Variants in DIP2B observed in about 807,000 individuals in gnomAD.
The protein encoded by DIP2B is disco-interacting protein 2 homolog B.
In DIP2B, 76 loss-of-function variants were observed where a neutral mutation model predicts 198.0. That is an observed-to-expected ratio of 0.38 (90% CI 0.32 to 0.46). DIP2B has a LOEUF of 0.46. Among genes scored for constraint, DIP2B ranks in the 20% least tolerant of loss-of-function variants. The pLI is 0.99. For synonymous variants in DIP2B, 701 were observed against 739.1 expected, an observed-to-expected ratio of 0.95 and a Z score of 0.84; for missense variants, 1,559 against 1,978.4, an observed-to-expected ratio of 0.79 and a Z score of 4.02.
At chr12:50,712,524 A>T (rs1939636030) in intron 22 of DIP2B, among the ~76,000 whole-genome samples, 1 of 151,876 alleles carries the variant, frequency 6.6e-6, no homozygotes, top group South Asian at 2.1e-4. Context: ...AAATTGCTTG[A>T]ACCCGGGAGG....
rs539465974 is a variant in DIP2B, at chr12:50,542,927, GCA to G, written c.100+37690_100+37691del. Among the ~76,000 whole-genome samples, 25 of 152,164 alleles carry G rather than the reference GCA, an allele frequency of 1.6e-4. No individual in the cohort carries two copies. In the South Asian group the frequency reaches 5.0e-3, roughly 30 times the overall value. On this transcript the variant is annotated intron_variant, in intron 1 of 37. Transcript: ENST00000301180. ...GTGTTGCCCAGGCTGGAGTGCAGTG[GCA>G]CAGTCTTGGCTCATTGCACCCTCTG...
chr12:50,718,732 G>A lies in DIP2B; in HGVS notation c.2875G>A (p.Val959Ile), dbSNP rs1592141460. The A allele has an allele frequency of 6.2e-7, 1 of 1,614,196 alleles. No individual in the cohort carries two copies. Among genetic ancestry groups the A allele is most frequent in the Non-Finnish European group, 8.5e-7 (1 of 1,180,028 alleles). ...QPGVGPASVM[V>I]GNLVAGKRIA... ...AGGTGTAGGCCCTGCTTCCGTGATG[G>A]TTGGGAATCTGGTTGCTGGAAAACG... The change falls in exon 24 of 38, where the codon GTT becomes ATT. Residue 959 changes from valine to isoleucine, a missense_variant. Coordinates refer to ENST00000301180, the MANE Select transcript of DIP2B (RefSeq NM_173602.3).
At chr12:50,598,725 T>C (rs1322541155) in intron 1 of DIP2B, among the ~76,000 whole-genome samples, 10 of 43,458 alleles carry the variant, frequency 2.3e-4, no homozygotes, top group Admixed American at 1.5e-3. Flanking sequence ...CAGATCCCCT[T>C]CCCTCCCCTC....
At chr12:50,649,961 C>T (rs948189616) in intron 3 of DIP2B, among the ~76,000 whole-genome samples, 8 of 152,192 alleles carry the variant, frequency 5.3e-5, no homozygotes, top group African/African-American at 1.9e-4. Flanking sequence ...GTAATCCCAA[C>T]ACTTTGGAAA....
intron 1 of DIP2B, among the ~76,000 whole-genome samples, chr12:50,538,751 A>G (rs1016734313): frequency 6.6e-6 from 1 of 152,156 alleles, no homozygotes; most frequent in Non-Finnish European, 1.5e-5. Context: ...TTCCACACAT[A>G]CAGTTTTTGC....
intron 4 of DIP2B, among the ~76,000 whole-genome samples, chr12:50,668,213 G>A (rs768279183): frequency 8.5e-5 from 13 of 152,096 alleles, no homozygotes; most frequent in Non-Finnish European, 1.8e-4. Flanking sequence ...TGCCTGCCTT[G>A]AACTCCTCTA....
intron 1 of DIP2B, among the ~76,000 whole-genome samples, chr12:50,557,962 C>CAG (rs1275891261): frequency 6.6e-6 from 1 of 151,606 alleles, no homozygotes; most frequent in Non-Finnish European, 1.5e-5. Flanking sequence ...GCCTATGTAA[C>CAG]AGAGAGACCC....
At chr12:50,543,924 T>TAA (rs781505789) in intron 1 of DIP2B, among the ~76,000 whole-genome samples, 56,352 of 100,988 alleles carry the variant, frequency 0.56, 16,459 homozygotes, top group South Asian at 0.69. Flanking sequence ...ACTCAGCCTT[T>TAA]AAAAAAAAAA....
chr12:50,735,032 T>C, intron 33 of DIP2B, 41 bp from the exon 34 acceptor site: 1 of 1,612,218 alleles, frequency 6.2e-7, no homozygotes, highest in South Asian at 1.1e-5. Flanking sequence ...CGACTTCTCC[T>C]CTTAAAAGCC....
chr12:50,723,397 A>G, intron 27 of DIP2B, 74 bp downstream of exon 27: 1 of 1,571,610 alleles, frequency 6.4e-7, no homozygotes, highest in Non-Finnish European at 8.6e-7. Flanking sequence ...ATCCTTACTA[A>G]TTTTCCAATT....
At chr12:50,650,231 G>T (rs1397827056) in intron 3 of DIP2B, among the ~76,000 whole-genome samples, 2 of 150,918 alleles carry the variant, frequency 1.3e-5, no homozygotes, top group Non-Finnish European at 3.0e-5. Flanking sequence ...AGTGCCAAAT[G>T]AAAACATCAC....
chr12:50,652,340 AT>A (rs1465121084), intron 3 of DIP2B, among the ~76,000 whole-genome samples: 16 of 99,950 alleles, frequency 1.6e-4, no homozygotes, highest in East Asian at 8.8e-4. Context: ...TATATAATAT[AT>A]ATAATACACA....
rs141015192 is a variant in DIP2B, at chr12:50,612,619, G to A, written c.101-13357G>A. Among the ~76,000 whole-genome samples the A allele has an allele frequency of 2.0e-5, 3 of 151,916 alleles. No homozygotes were observed. The East Asian group carries it at 5.8e-4, about 29-fold the overall frequency. ...AATTTTTGTATTTTTATTAGAGATG[G>A]GGTTTTACCATGTTGACCAGGGTTG... On this transcript the variant is annotated intron_variant, in intron 1 of 37. Transcript: ENST00000301180.
In DIP2B at chr12:50,505,093, C is replaced by A; in HGVS notation, c.-48C>A. ...TGTGGGCCCGTGTCTGTCCGTCCCT[C>A]CTTCGGCCCCCTCTCTTGTCTTCCG... On this transcript the variant is annotated 5_prime_UTR_variant, in exon 1 of 38. Coordinates refer to ENST00000301180, the MANE Select transcript of DIP2B (RefSeq NM_173602.3). 6.6e-7 allele frequency: 1 copy of A among 1,505,292 alleles called. No individual in the cohort carries two copies. The highest frequency in any genetic ancestry group is 1.2e-5 in the South Asian group (1 of 83,290). The allele number at this position is 1,505,292 out of a possible 1,614,324, so 93.2% of individuals were successfully genotyped here.
chr12:50,565,228 C>CTCAAATGA (rs944549037), intron 1 of DIP2B, among the ~76,000 whole-genome samples: 2 of 152,012 alleles, frequency 1.3e-5, no homozygotes, highest in African/African-American at 2.4e-5. Context: ...AACTCCTGGG[C>CTCAAATGA]TCAAATGATC....
At chr12:50,671,109 T>G (rs1565865560) in intron 4 of DIP2B, 77 bp from the exon 5 acceptor site, 1 of 1,402,464 alleles carries the variant, frequency 7.1e-7, no homozygotes. Flanking sequence ...AAACTGAATG[T>G]GTGATCAATG....
At chr12:50,718,492 AT>A (rs1485697085) in intron 23 of DIP2B, among the ~76,000 whole-genome samples, 1 of 151,920 alleles carries the variant, frequency 6.6e-6, no homozygotes, top group African/African-American at 2.4e-5. Flanking sequence ...ACTTTGCACT[AT>A]TTATGTTTAT....
chr12:50,739,493 C>T lies in DIP2B; in HGVS notation c.4261C>T (p.Arg1421Cys), dbSNP rs371482745. Residue 1421 changes from arginine to cysteine, a missense_variant, in exon 36 of 38, where the codon CGC (arginine) becomes TGC (cysteine). By Grantham distance (180) the Arg-to-Cys change is radical. Transcript: ENST00000301180. ...ETLQADHFNT[R>C]LSFGDAAQTL... Reference sequence around the variant, plus strand: ...TCTTCAAGCTGATCATTTCAACACTCGCCTCAGCTTTGGAGATGCAGCTCA... The same window carrying T: ...TCTTCAAGCTGATCATTTCAACACTTGCCTCAGCTTTGGAGATGCAGCTCA... 8.7e-6 allele frequency: 14 copies of T among 1,614,018 alleles called. No homozygotes were observed. Among genetic ancestry groups the T allele is most frequent in the East Asian group, 6.7e-5 (3 of 44,894 alleles).
chr12:50,708,921 C>T (rs775049648), intron 22 of DIP2B, among the ~76,000 whole-genome samples: 4 of 152,168 alleles, frequency 2.6e-5, no homozygotes, highest in Non-Finnish European at 5.9e-5. Context: ...TAAGTGGTGC[C>T]GATGGTGTGA....
Sources: gnomAD v4.1 joint callset for allele counts (sites outside exome capture counted in the v4.1 genomes callset) on GRCh38, gnomAD v4.1.1 for gene constraint, MANE v1.5 for transcripts, NCBI Gene and HGNC (gene_info 2026-07-23, HGNC 2026-07-21) for gene names.